The following YBX3 variants were observed in gnomAD, a reference collection of about 807,000 sequenced individuals.
YBX3 encodes Y-box-binding protein 3.
In YBX3, 29 loss-of-function variants were observed where a neutral mutation model predicts 42.4. The ratio of observed to expected loss-of-function variants is 0.68; its 90% confidence interval spans 0.51 to 0.93. The LOEUF (loss-of-function observed/expected upper bound fraction) is 0.93, where lower values mean the gene tolerates loss of function less well. YBX3 is among the 40% of genes least tolerant of loss of function. The probability of loss-of-function intolerance (pLI) is 0.00; values close to 1 mark genes in which losing one functional copy is unlikely to be tolerated. For missense variants in YBX3, 517 were observed against 527.5 expected (o/e 0.98, Z 0.19); for synonymous variants, 195 against 189.8 (o/e 1.03, Z -0.22).
intron 1 of YBX3, among the ~76,000 whole-genome samples, chr12:10,722,569 AC>A (rs1948340116): frequency 6.6e-6 from 1 of 152,128 alleles, no homozygotes; most frequent in African/African-American, 2.4e-5. Flanking sequence ...CGTCTGGGAG[AC>A]AGAAGTTAAG....
intron 5 of YBX3, chr12:10,712,168 T>C (rs1948207778): frequency 6.6e-6 from 1 of 152,202 alleles, no homozygotes; most frequent in African/African-American, 2.4e-5. Flanking sequence ...TCATTCTCAA[T>C]CTGCAGATAT....
chr12:10,706,715 C>A (rs1271705397), intron 6 of YBX3, among the ~76,000 whole-genome samples: 2 of 152,160 alleles, frequency 1.3e-5, no homozygotes, highest in Non-Finnish European at 2.9e-5. Context: ...CTTTAAACAT[C>A]CTGTTTTATA....
intron 3 of YBX3, among the ~76,000 whole-genome samples, chr12:10,716,747 G>A (rs1948267130): frequency 6.6e-6 from 1 of 152,174 alleles, no homozygotes; most frequent in Non-Finnish European, 1.5e-5. Flanking sequence ...AGCCAACAGA[G>A]CAGAGACCTC....
chr12:10,710,575 T>C, intron 5 of YBX3: 2 of 1,244,508 alleles, frequency 1.6e-6, no homozygotes, highest in Non-Finnish European at 2.1e-6. Context: ...GTCTGTAAAG[T>C]GTGGATGGGA....
At chr12:10,706,246 ACT>A (rs1207920052) in intron 6 of YBX3, among the ~76,000 whole-genome samples, 3 of 152,176 alleles carry the variant, frequency 2.0e-5, no homozygotes, top group African/African-American at 7.2e-5. Context: ...ACCAGGGGTA[ACT>A]CTGCATTGTA....
At position 10,723,296 on chromosome 12, in the gene YBX3, T is replaced by G. The variant is rs1673681; in HGVS notation, c.-185A>C. The G allele has an allele frequency of 0.99, 983,621 of 989,596 alleles. 489,088 individuals are homozygous for G. Among genetic ancestry groups the G allele is most frequent in the East Asian group, 1 (23,618 of 23,618 alleles). 61.3% of individuals were successfully genotyped at this position (989,596 alleles called of 1,614,324 possible). On this transcript the variant is annotated 5_prime_UTR_variant, in exon 1 of 10. Transcript: ENST00000228251. Reference sequence around the variant, plus strand: ...GGCTCGAGCTTCGTGCTGCGCGCTCTCTCTTGGGCTCCTCGCTCGATCTTA... The same window carrying G: ...GGCTCGAGCTTCGTGCTGCGCGCTCGCTCTTGGGCTCCTCGCTCGATCTTA...
At chr12:10,706,878 G>A (rs567401014) in intron 6 of YBX3, among the ~76,000 whole-genome samples, 2 of 152,064 alleles carry the variant, frequency 1.3e-5, no homozygotes, top group African/African-American at 2.4e-5. Flanking sequence ...TTAGCCAGGC[G>A]TGGTGGCGGG....
At chr12:10,715,363 T>C (rs368251085) in intron 4 of YBX3, among the ~76,000 whole-genome samples, 1 of 151,698 alleles carries the variant, frequency 6.6e-6, no homozygotes, top group African/African-American at 2.4e-5. Context: ...CTGGCCAACA[T>C]GGTGAAACCC....
intron 1 of YBX3, chr12:10,720,823 C>T (rs1296398893): frequency 6.6e-6 from 1 of 152,110 alleles, no homozygotes; most frequent in Non-Finnish European, 1.5e-5. Flanking sequence ...TTTTACTCTC[C>T]AATGTAGTTT....
chr12:10,703,252 G>C (rs1948100883), intron 7 of YBX3: 1 of 152,268 alleles, frequency 6.6e-6, no homozygotes, highest in Admixed American at 6.5e-5. Context: ...CAAATTTCAA[G>C]GTAGCATAAA....
At chr12:10,701,892 T>C in intron 8 of YBX3, 68 bp downstream of exon 8, 2 of 1,522,510 alleles carry the variant, frequency 1.3e-6, no homozygotes, top group Non-Finnish European at 1.8e-6. Context: ...AAAACCACTT[T>C]TAGAATGCTA....
At chr12:10,701,113 T>C in intron 9 of YBX3, 141 bp downstream of exon 9, 1 of 554,534 alleles carries the variant, frequency 1.8e-6, no homozygotes, top group Non-Finnish European at 3.2e-6. Flanking sequence ...CAAATCACTT[T>C]TTCCACAGAG....
intron 9 of YBX3, among the ~76,000 whole-genome samples, chr12:10,700,159 T>C (rs1248122908): frequency 6.6e-6 from 1 of 152,168 alleles, no homozygotes; most frequent in Non-Finnish European, 1.5e-5. Context: ...CAAGTTTGAA[T>C]AGGGAACTTA....
At chr12:10,703,857 G>A (rs561944358) in intron 7 of YBX3, 194 bp downstream of exon 7, 27 of 524,938 alleles carry the variant, frequency 5.1e-5, no homozygotes, top group African/African-American at 1.9e-4. Context: ...ACGCTTTGGC[G>A]CAGAGATAAC....
chr12:10,716,709 C>T (rs1258528810), intron 3 of YBX3, among the ~76,000 whole-genome samples: 1 of 152,192 alleles, frequency 6.6e-6, no homozygotes, highest in Non-Finnish European at 1.5e-5. Context: ...CGTCCCCTAA[C>T]TCTGAGTAGG....
intron 4 of YBX3, 116 bp from the exon 5 acceptor site, chr12:10,713,449 T>G: frequency 7.8e-7 from 1 of 1,288,032 alleles, no homozygotes; most frequent in Non-Finnish European, 1.0e-6. Context: ...ATTCCCACTG[T>G]GATTTTAAAA....
chr12:10,700,895 G>C (rs1244998504), intron 9 of YBX3, among the ~76,000 whole-genome samples: 1 of 152,130 alleles, frequency 6.6e-6, no homozygotes, highest in Admixed American at 6.6e-5. Flanking sequence ...TACTGTTTCT[G>C]ATTACTAAAC....
chr12:10,706,014 T>C (rs1225328043), intron 6 of YBX3, among the ~76,000 whole-genome samples: 1 of 152,224 alleles, frequency 6.6e-6, no homozygotes, highest in African/African-American at 2.4e-5. Context: ...AAACAAAAAA[T>C]TGGGGGACAG....
At position 10,709,992 on chromosome 12, in the gene YBX3, G is replaced by T. The variant is rs1218205024; in HGVS notation, c.696C>A (p.Tyr232Ter). The T allele has an allele frequency of 6.2e-7, 1 of 1,614,212 alleles. No individual in the cohort carries two copies. Among genetic ancestry groups the T allele is most frequent in the South Asian group, 1.1e-5 (1 of 91,086 alleles). ...QLRRPQYRPQ[Y>*]RQRRFPPYHV... ...GGTAAGGCGGGAACCGCCGCTGCCGGTACTGAGGGCGATACTGGGGGCGGC... is the reference window on the plus strand; with the variant it reads ...GGTAAGGCGGGAACCGCCGCTGCCGTTACTGAGGGCGATACTGGGGGCGGC... The change falls in exon 6 of 10, where the codon TAC (tyrosine) becomes TAA (stop). Residue 232 changes from tyrosine to a stop codon, truncating the protein, a stop_gained. Coordinates refer to ENST00000228251, the MANE Select transcript of YBX3 (RefSeq NM_003651.5). LOFTEE classifies it high-confidence loss of function.
Sources: allele counts gnomAD v4.1 joint callset (sites outside exome capture counted in the v4.1 genomes callset), GRCh38; gene constraint gnomAD v4.1.1; transcripts MANE v1.5; gene names NCBI Gene and HGNC (gene_info 2026-07-23, HGNC 2026-07-21).